SCN1A: variants seen among roughly 807,000 people sequenced by gnomAD.
The protein encoded by SCN1A is sodium channel protein type 1 subunit alpha.
SCN1A carries 13 observed loss-of-function variants against 193.7 expected under a neutral mutation model. The observed-to-expected ratio is 0.07, with a 90% confidence interval of 0.04 to 0.11. SCN1A has a LOEUF of 0.11. Among genes scored for constraint, SCN1A ranks in the 10% least tolerant of loss-of-function variants. The pLI is 1.00. For missense variants in SCN1A, 1,432 were observed against 2,451.1 expected (o/e 0.58, Z 8.78); for synonymous variants, 781 against 843.6 (o/e 0.93, Z 1.29).
At chr2:166,005,628 A>G (rs1314087621) in intron 23 of SCN1A, among the ~76,000 whole-genome samples, 1 of 151,402 alleles carries the variant, frequency 6.6e-6, no homozygotes, top group African/African-American at 2.4e-5. Context: ...AGTCATATTT[A>G]TGATGTATTA....
intron 21 of SCN1A, 71 bp downstream of exon 21, chr2:166,013,673 G>T: frequency 7.2e-7 from 1 of 1,381,014 alleles, no homozygotes; most frequent in Non-Finnish European, 1.0e-6. Flanking sequence ...TGAAACAAAG[G>T]ATTAATAAGT....
At chr2:166,054,611 T>C in intron 7 of SCN1A, 27 bp downstream of exon 7, 1 of 1,610,824 alleles carries the variant, frequency 6.2e-7, no homozygotes, top group Non-Finnish European at 8.5e-7. Context: ...CTATGTTCTC[T>C]CTTAAAGTTT....
At chr2:166,030,667 C>T (rs140459083) in intron 19 of SCN1A, among the ~76,000 whole-genome samples, 1 of 151,958 alleles carries the variant, frequency 6.6e-6, no homozygotes, top group East Asian at 1.9e-4. Context: ...GGACAGATAT[C>T]TCATTTAATA....
At chr2:166,076,028 C>A (rs1684954362) in intron 3 of SCN1A, among the ~76,000 whole-genome samples, 1 of 151,672 alleles carries the variant, frequency 6.6e-6, no homozygotes, top group African/African-American at 2.4e-5. Flanking sequence ...TCTATAGCAT[C>A]TTTTAAGACA....
chr2:166,077,406 T>C (rs1685091305), intron 3 of SCN1A, among the ~76,000 whole-genome samples: 1 of 151,886 alleles, frequency 6.6e-6, no homozygotes, highest in African/African-American at 2.4e-5. Flanking sequence ...GCCAAAGACC[T>C]GAACAGACAC....
intron 20 of SCN1A, 55 bp downstream of exon 20, chr2:166,015,552 A>T (rs1693156163): frequency 6.2e-7 from 1 of 1,606,544 alleles, no homozygotes; most frequent in African/African-American, 1.3e-5. Flanking sequence ...GCTGACCAAC[A>T]GCTAAACAAG....
chr2:166,013,644 G>T, intron 21 of SCN1A, 100 bp downstream of exon 21: 1 of 1,049,138 alleles, frequency 9.5e-7, no homozygotes, highest in Non-Finnish European at 1.5e-6. Flanking sequence ...AATTAAAAAT[G>T]CATTGGATAC....
chr2:166,016,076 G>A, intron 19 of SCN1A: 1 of 279,954 alleles, frequency 3.6e-6, no homozygotes, highest in Non-Finnish European at 6.9e-6. Context: ...AGGAGAGAAA[G>A]AGAAAGCTTA....
intron 2 of SCN1A, among the ~76,000 whole-genome samples, chr2:166,119,443 C>T (rs1027524627): frequency 6.6e-6 from 1 of 152,094 alleles, no homozygotes; most frequent in East Asian, 1.9e-4. Flanking sequence ...TAAGGACATA[C>T]TATGTCAGTA....
chr2:166,115,954 C>T (rs1689808706), intron 2 of SCN1A, among the ~76,000 whole-genome samples: 1 of 152,090 alleles, frequency 6.6e-6, no homozygotes, highest in African/African-American at 2.4e-5. Flanking sequence ...AAGAAGAGGT[C>T]GTGGCTATTC....
intron 19 of SCN1A, among the ~76,000 whole-genome samples, chr2:166,019,680 A>C (rs1693748527): frequency 6.6e-6 from 1 of 152,184 alleles, no homozygotes; most frequent in South Asian, 2.1e-4. Context: ...ACTATAAATA[A>C]AAATGGCCAT....
intron 4 of SCN1A, among the ~76,000 whole-genome samples, chr2:166,072,840 T>TC (rs1684585986): frequency 2.4e-5 from 3 of 123,064 alleles, no homozygotes; most frequent in South Asian, 2.4e-4. Flanking sequence ...CTTCTTTCTT[T>TC]TTTTTTTTTT....
At chr2:166,065,557 G>T (rs951601158) in intron 4 of SCN1A, among the ~76,000 whole-genome samples, 2 of 152,056 alleles carry the variant, frequency 1.3e-5, no homozygotes. Context: ...AAGTTTTCTT[G>T]CAGGCTTTCT....
intron 20 of SCN1A, among the ~76,000 whole-genome samples, 166 bp from the exon 21 acceptor site, chr2:166,014,064 G>A (rs1404164885): frequency 6.6e-6 from 1 of 151,712 alleles, no homozygotes; most frequent in Non-Finnish European, 1.5e-5. Context: ...GTGTGAAGTT[G>A]TGGAAACATT....
At chr2:166,097,577 AG>A (rs1302283339) in intron 2 of SCN1A, among the ~76,000 whole-genome samples, 1 of 151,764 alleles carries the variant, frequency 6.6e-6, no homozygotes, top group Non-Finnish European at 1.5e-5. Context: ...GTATGTTCAA[AG>A]GTACTTGTAT....
At chr2:166,060,741 A>G (rs1683220552) in intron 4 of SCN1A, 1 of 152,244 alleles carries the variant, frequency 6.6e-6, no homozygotes, top group South Asian at 2.1e-4. Flanking sequence ...GGGTCCCTGT[A>G]ATCCCAGTTG....
intron 19 of SCN1A, among the ~76,000 whole-genome samples, chr2:166,033,197 G>T (rs1173212751): frequency 6.6e-6 from 1 of 152,108 alleles, no homozygotes; most frequent in African/African-American, 2.4e-5. Flanking sequence ...AAAGCAATCT[G>T]TTCTGCCTAG....
Position 166,066,137 on chromosome 2 carries a change from AG to A in SCN1A, c.264+7220del, listed in dbSNP as rs565280724. Reference sequence around the variant, plus strand: ...GAAGGTGCCTCCCTAGAAAGTGCCTAGGTAGGCTTTTGTCAGCCAAGGCTGC... The same window carrying A: ...GAAGGTGCCTCCCTAGAAAGTGCCTAGTAGGCTTTTGTCAGCCAAGGCTGC... On this transcript the variant is annotated intron_variant, in intron 4 of 28. Coordinates refer to ENST00000674923, the MANE Select transcript of SCN1A (RefSeq NM_001165963.4). Among the ~76,000 whole-genome samples the A allele has an allele frequency of 2.9e-3, 446 of 152,260 alleles. 5 individuals carry two copies. The highest frequency in any genetic ancestry group is 1.3e-3 in the Non-Finnish European group (89 of 68,014).
At chr2:166,055,303 T>A (rs1173457763) in intron 6 of SCN1A, among the ~76,000 whole-genome samples, 2 of 151,920 alleles carry the variant, frequency 1.3e-5, no homozygotes, top group African/African-American at 4.8e-5. Flanking sequence ...AGAATAAAAT[T>A]CTTCTGATAA....
Sources: gnomAD v4.1 joint callset for allele counts (sites outside exome capture counted in the v4.1 genomes callset) on GRCh38, gnomAD v4.1.1 for gene constraint, MANE v1.5 for transcripts, NCBI Gene and HGNC (gene_info 2026-07-23, HGNC 2026-07-21) for gene names.